Variants in HDAC9 observed in about 807,000 individuals in gnomAD.
HDAC9 encodes the protein MEF-2 interacting transcription repressor (MITR) protein.
A neutral mutation model predicts 139.4 loss-of-function variants in HDAC9; 41 were observed. The observed-to-expected ratio is 0.29, with a 90% CI of 0.23 to 0.38. The LOEUF (loss-of-function observed/expected upper bound fraction) is 0.38. Among genes scored for constraint, HDAC9 ranks in the 10% least tolerant of loss-of-function variants. The probability of loss-of-function intolerance (pLI) is 1.00; values close to 1 mark genes in which losing one functional copy is unlikely to be tolerated. For synonymous variants in HDAC9, 517 were observed against 476.2 expected, an observed-to-expected ratio of 1.09 and a Z score of -1.12; for missense variants, 1,147 against 1,297.0, an observed-to-expected ratio of 0.88 and a Z score of 1.78.
chr7:18,535,544 A>G (rs1382804687), intron 2 of HDAC9, among the ~76,000 whole-genome samples: 2 of 151,770 alleles, frequency 1.3e-5, no homozygotes, highest in Non-Finnish European at 2.9e-5. Flanking sequence ...GATCTCTATT[A>G]TATCTACATA....
At chr7:18,894,293 G>C (rs1032004163) in intron 22 of HDAC9, among the ~76,000 whole-genome samples, 2 of 152,126 alleles carry the variant, frequency 1.3e-5, no homozygotes, top group African/African-American at 4.8e-5. Flanking sequence ...GTAGAAAAGA[G>C]ATGCAAAGAC....
At chr7:18,967,053 C>T (rs968446215) in intron 24 of HDAC9, among the ~76,000 whole-genome samples, 1 of 152,140 alleles carries the variant, frequency 6.6e-6, no homozygotes, top group African/African-American at 2.4e-5. Flanking sequence ...TGTCGATATT[C>T]ATTATTCATC....
intron 1 of HDAC9, among the ~76,000 whole-genome samples, chr7:18,139,530 C>T (rs1336724070): frequency 1.3e-5 from 2 of 152,078 alleles, no homozygotes; most frequent in East Asian, 1.9e-4. Context: ...TTTTCCGTGT[C>T]AGGGAAAAGT....
intron 2 of HDAC9, among the ~76,000 whole-genome samples, chr7:18,247,573 T>A (rs1584827618): frequency 6.6e-6 from 1 of 152,114 alleles, no homozygotes; most frequent in East Asian, 1.9e-4. Flanking sequence ...GGACAAATAT[T>A]TGGAAGACTT....
chr7:18,488,349 A>T (rs556825024), intron 1 of HDAC9, among the ~76,000 whole-genome samples: 7 of 152,164 alleles, frequency 4.6e-5, no homozygotes, highest in South Asian at 2.1e-4. Context: ...TTTCTAGTTG[A>T]TATGTACTGA....
intron 1 of HDAC9, among the ~76,000 whole-genome samples, chr7:18,342,684 G>A (rs1269984189): frequency 2.0e-5 from 3 of 151,630 alleles, no homozygotes; most frequent in Admixed American, 1.3e-4. Flanking sequence ...CTGATGTAAT[G>A]GTATAAATCA....
At chr7:18,584,130 A>C (rs1486227270) in intron 2 of HDAC9, among the ~76,000 whole-genome samples, 2 of 147,276 alleles carry the variant, frequency 1.4e-5, no homozygotes, top group Admixed American at 1.4e-4. Flanking sequence ...TTCCTTTAGA[A>C]AGCAGCATTC....
intron 1 of HDAC9, among the ~76,000 whole-genome samples, chr7:18,293,475 A>G (rs1381548249): frequency 6.6e-6 from 1 of 152,136 alleles, no homozygotes; most frequent in African/African-American, 2.4e-5. Context: ...ACATGGACAC[A>G]GGAAGGGGAA....
intron 2 of HDAC9, among the ~76,000 whole-genome samples, chr7:18,581,400 A>G (rs1397689624): frequency 1.3e-5 from 2 of 152,118 alleles, no homozygotes; most frequent in Admixed American, 6.5e-5. Context: ...GTTAGACGCA[A>G]TCATTTCTGT....
chr7:18,996,736 A>G lies in HDAC9; in HGVS notation c.*674A>G, dbSNP rs556823098. 1.3e-5 allele frequency: 2 copies of G among 152,232 alleles called. No homozygotes were observed. The highest frequency in any genetic ancestry group is 2.9e-5 in the Non-Finnish European group (2 of 68,024). The allele number at this position is 152,232 out of a possible 1,614,324, so 9.4% of individuals were successfully genotyped here. ...CTCACACACTGTTTGTAATGGTGCA[A>G]TATTTTATATCACTTTTTTTTAAAC... On this transcript the variant is annotated 3_prime_UTR_variant, in exon 26 of 26. Coordinates refer to ENST00000686413, the MANE Select transcript of HDAC9 (RefSeq NM_178425.4).
Position 18,583,320 on chromosome 7 carries a change from A to G in HDAC9, c.23-1961A>G, listed in dbSNP as rs533434568. Among the ~76,000 whole-genome samples, 8 of 152,342 alleles carry G rather than the reference A, an allele frequency of 5.3e-5. No individual in the cohort carries two copies. In the South Asian group the frequency reaches 6.2e-4, roughly 12 times the overall value. On this transcript the variant is annotated intron_variant, in intron 2 of 25. Coordinates refer to ENST00000686413, the MANE Select transcript of HDAC9 (RefSeq NM_178425.4). ...CCTAGGGAAATTAATAACATCTTCA[A>G]TGTTACACACATGAAAGAGTCAAAT...
At chr7:18,722,824 A>G (rs1584915519) in intron 12 of HDAC9, among the ~76,000 whole-genome samples, 1 of 152,182 alleles carries the variant, frequency 6.6e-6, no homozygotes, top group African/African-American at 2.4e-5. Flanking sequence ...CCTATTTTGA[A>G]AGAAAGTTCA....
intron 1 of HDAC9, among the ~76,000 whole-genome samples, chr7:18,305,125 A>G (rs897768122): frequency 1.3e-5 from 2 of 152,066 alleles, no homozygotes; most frequent in Non-Finnish European, 2.9e-5. Flanking sequence ...CCTCCTGGTT[A>G]TTCTCTTTTC....
intron 22 of HDAC9, among the ~76,000 whole-genome samples, chr7:18,879,215 A>G (rs1386226849): frequency 6.6e-6 from 1 of 152,128 alleles, no homozygotes; most frequent in Non-Finnish European, 1.5e-5. Flanking sequence ...AATCAATATA[A>G]TTAAAATGGC....
chr7:18,867,046 A>C (rs1798552896), intron 21 of HDAC9, among the ~76,000 whole-genome samples: 1 of 152,212 alleles, frequency 6.6e-6, no homozygotes, highest in African/African-American at 2.4e-5. Context: ...ATCTAGTCAC[A>C]TGATTTGTAT....
chr7:18,466,275 CA>C lies in HDAC9; in HGVS notation c.-41-29985del, dbSNP rs111637885. On this transcript the variant is annotated intron_variant, in intron 1 of 3. Coordinates refer to the HDAC9 transcript ENST00000413509. The stretch of plus-strand genomic sequence containing the variant: ...GCAGTGGCGTGATTTCAGCTCAGTG[CA>C]ACCTCTGCCTCCCAGGCTCAAGCCA... Among the ~76,000 whole-genome samples, 1,187 of 152,320 alleles carry C rather than the reference CA, an allele frequency of 7.8e-3. 15 individuals carry two copies. The highest frequency in any genetic ancestry group is 0.027 in the African/African-American group (1,124 of 41,568).
At chr7:18,582,027 C>A (rs530198346) in intron 2 of HDAC9, among the ~76,000 whole-genome samples, 62 of 152,216 alleles carry the variant, frequency 4.1e-4, no homozygotes, top group Non-Finnish European at 6.6e-4. Context: ...AGATTGATAT[C>A]AGTCTGCATG....
intron 1 of HDAC9, among the ~76,000 whole-genome samples, chr7:18,404,619 C>G (rs1032616667): frequency 6.6e-6 from 1 of 151,996 alleles, no homozygotes; most frequent in African/African-American, 2.4e-5. Context: ...CTTAGAAACA[C>G]AAAATACAGT....
intron 21 of HDAC9, among the ~76,000 whole-genome samples, chr7:18,866,561 G>A (rs1402077824): frequency 3.3e-5 from 5 of 152,132 alleles, no homozygotes; most frequent in African/African-American, 1.2e-4. Context: ...CCTTTTTGAA[G>A]GCAGAGTTAC....
Sources: allele counts gnomAD v4.1 joint callset (sites outside exome capture counted in the v4.1 genomes callset), GRCh38; gene constraint gnomAD v4.1.1; transcripts MANE v1.5; gene names NCBI Gene and HGNC (gene_info 2026-07-23, HGNC 2026-07-21).